Variants in CENPM observed in about 807,000 individuals in gnomAD.
The protein encoded by CENPM is interphase centromere complex protein 39.
A neutral mutation model predicts 19.6 loss-of-function variants in CENPM; 14 were observed. The ratio of observed to expected loss-of-function variants is 0.71; its 90% CI spans 0.47 to 1.11. The LOEUF is 1.11. Among genes scored for constraint, CENPM ranks in the 50% most tolerant of loss-of-function variants. CENPM has a pLI of 0.00. For missense variants in CENPM, 239 were observed against 228.4 expected (o/e 1.05, Z -0.30); for synonymous variants, 114 against 101.5 (o/e 1.12, Z -0.74).
chr22:41,939,031 G>A lies in CENPM; in HGVS notation c.*25C>T. 1.2e-6 allele frequency: 2 copies of A among 1,611,174 alleles called. No individual in the cohort carries two copies. The highest frequency in any genetic ancestry group is 2.2e-5 in the South Asian group (2 of 90,936). ...TGGAGTCAGCACGAAGCCATGAGAA[G>A]GGGCAGCCCAGGGGCCAGCCACCCT... On this transcript the variant is annotated 3_prime_UTR_variant, in exon 6 of 6. Coordinates refer to ENST00000215980, the MANE Select transcript of CENPM (RefSeq NM_024053.5).
At chr22:41,933,448 G>A in the CENPM span, among the ~76,000 whole-genome samples, 1 of 152,138 alleles carries the variant, frequency 6.6e-6, no homozygotes, top group East Asian at 1.9e-4. Context: ...GGGACCCCTT[G>A]GGCCTGGCCA....
the CENPM span, among the ~76,000 whole-genome samples, chr22:41,927,877 G>C: frequency 6.6e-6 from 1 of 152,322 alleles, no homozygotes; most frequent in East Asian, 1.9e-4. Context: ...GCTGATGGGG[G>C]AAGACAGCCT....
At chr22:41,939,878 A>AAAAGAAAG (rs1268180534) in intron 5 of CENPM, among the ~76,000 whole-genome samples, 8 of 73,004 alleles carry the variant, frequency 1.1e-4, no homozygotes, top group Non-Finnish European at 1.7e-4. Context: ...GAAAGAAAGA[A>AAAAGAAAG]AAAGAAAGAA....
chr22:41,945,112 TG>T (rs1199712831), intron 4 of CENPM, 112 bp downstream of exon 4: 1 of 1,566,930 alleles, frequency 6.4e-7, no homozygotes, highest in East Asian at 2.4e-5. Flanking sequence ...GGCCCCAGTG[TG>T]TGTAAAATAC....
chr22:41,927,446 AC>A, the CENPM span, among the ~76,000 whole-genome samples: 1 of 149,692 alleles, frequency 6.7e-6, no homozygotes, highest in African/African-American at 2.5e-5. Flanking sequence ...ATCTCCCCCA[AC>A]CCACCTGTCT....
chr22:41,942,754 A>AG (rs2077753881), intron 5 of CENPM, among the ~76,000 whole-genome samples: 1 of 150,544 alleles, frequency 6.6e-6, no homozygotes, highest in Non-Finnish European at 1.5e-5. Flanking sequence ...CCATCTCAAA[A>AG]AAAAAAAAAA....
intron 2 of CENPM, 107 bp downstream of exon 2, chr22:41,946,310 G>T: frequency 1.1e-6 from 1 of 945,082 alleles, no homozygotes; most frequent in Non-Finnish European, 1.6e-6. Context: ...CTGGGAGAAG[G>T]ACCAGCCTCA....
intron 4 of CENPM, chr22:41,944,981 G>T: frequency 7.4e-7 from 1 of 1,353,278 alleles, no homozygotes; most frequent in Admixed American, 3.1e-5. Context: ...GATTTGTTAT[G>T]TAGTTAAAAC....
the CENPM span, among the ~76,000 whole-genome samples, chr22:41,929,664 C>G: frequency 7.2e-5 from 11 of 152,196 alleles, no homozygotes; most frequent in Non-Finnish European, 4.4e-5. Context: ...ATGAGACACC[C>G]ACTCATGTGA....
intron 2 of CENPM, 129 bp downstream of exon 2, chr22:41,946,288 C>A: frequency 1.2e-6 from 1 of 817,746 alleles, no homozygotes; most frequent in South Asian, 1.7e-5. Context: ...GACTAGCCAG[C>A]TACGCTGCAT....
At chr22:41,943,793 C>G in intron 4 of CENPM, 92 bp from the exon 5 acceptor site, 10 of 1,121,472 alleles carry the variant, frequency 8.9e-6, no homozygotes, top group South Asian at 3.0e-5. Flanking sequence ...CTTCCCCACT[C>G]TGGGGCTCAG....
chr22:41,934,875 C>G (rs117454669), downstream of CENPM, among the ~76,000 whole-genome samples: 264 of 152,338 alleles, frequency 1.7e-3, 6 homozygotes, highest in East Asian at 0.045. Flanking sequence ...AGCCCCAATT[C>G]CGGCACACAC....
downstream of CENPM, among the ~76,000 whole-genome samples, chr22:41,938,432 C>T (rs1295727386): frequency 7.3e-6 from 1 of 137,880 alleles, no homozygotes; most frequent in African/African-American, 2.9e-5. Context: ...GTGGCACAGT[C>T]TCAGCTCACT....
intron 4 of CENPM, among the ~76,000 whole-genome samples, 162 bp from the exon 5 acceptor site, chr22:41,943,863 A>C (rs1384590572): frequency 1.3e-5 from 2 of 152,230 alleles, no homozygotes; most frequent in African/African-American, 4.8e-5. Flanking sequence ...GTAGTCAAGA[A>C]TATCAAATTA....
downstream of CENPM, among the ~76,000 whole-genome samples, chr22:41,934,489 C>G (rs762326749): frequency 1.3e-5 from 2 of 152,218 alleles, no homozygotes; most frequent in African/African-American, 2.4e-5. Flanking sequence ...TTCGCCCCCC[C>G]ATTCCCAGCC....
At chr22:41,945,546 G>A (rs1243436140) in intron 3 of CENPM, among the ~76,000 whole-genome samples, 1 of 150,832 alleles carries the variant, frequency 6.6e-6, no homozygotes, top group East Asian at 1.9e-4. Context: ...TGCCTCCTGG[G>A]TTCAAATGAT....
At chr22:41,932,602 C>A in the CENPM span, among the ~76,000 whole-genome samples, 1 of 152,244 alleles carries the variant, frequency 6.6e-6, no homozygotes, top group Non-Finnish European at 1.5e-5. The surrounding 1 kb of genome is among the most constrained non-coding windows in gnomAD (Gnocchi z 4.3). Context: ...CCAGGGCACC[C>A]CAGCCACTCT....
At chr22:41,928,383 C>A in the CENPM span, among the ~76,000 whole-genome samples, 1 of 152,174 alleles carries the variant, frequency 6.6e-6, no homozygotes, top group African/African-American at 2.4e-5. This position sits in a 1 kb window ranked among gnomAD's most constrained non-coding sequence, Gnocchi z 4.0. Context: ...AGCCCCTCCG[C>A]CCTCCTGGTC....
intron 2 of CENPM, 57 bp downstream of exon 2, chr22:41,946,360 C>A: frequency 6.8e-7 from 1 of 1,459,932 alleles, no homozygotes. Flanking sequence ...GCAGCTAGGA[C>A]CGAATCCCTC....
Sources: gnomAD v4.1 joint callset for allele counts (sites outside exome capture counted in the v4.1 genomes callset) on GRCh38, gnomAD v4.1.1 for gene constraint, Gnocchi (gnomAD v3.1) non-coding constraint, MANE v1.5 for transcripts, NCBI Gene and HGNC (gene_info 2026-07-23, HGNC 2026-07-21) for gene names.